The following HKDC1 variants were observed in gnomAD, a reference collection of about 807,000 sequenced individuals.
HKDC1 encodes the protein hexokinase domain containing 1, also known as hexokinase HKDC1.
In HKDC1, 66 loss-of-function variants were observed where a neutral mutation model predicts 96.6. The observed-to-expected ratio is 0.68, with a 90% CI of 0.56 to 0.84. The LOEUF (loss-of-function observed/expected upper bound fraction) is 0.84. HKDC1 is among the 40% of genes least tolerant of loss of function. HKDC1 has a pLI of 0.00. For missense variants in HKDC1, 1,211 were observed against 1,208.1 expected (o/e 1.00, Z -0.04); for synonymous variants, 466 against 473.1 (o/e 0.98, Z 0.20).
At position 69,250,475 on chromosome 10, in the gene HKDC1, C is replaced by T. The variant is rs1843623446; in HGVS notation, c.1716+40C>T. 4 of 1,611,668 alleles carry T rather than the reference C, an allele frequency of 2.5e-6. No individual in the cohort carries two copies. In the Admixed American group the frequency reaches 5.0e-5, roughly 20 times the overall value. ...AGGCCTTTGGGCTCCGAGGTGCCAG[C>T]CTGCCACCCTGCATCGATGTCCGCC... On this transcript the variant is annotated intron_variant, in intron 11 of 17. Coordinates refer to ENST00000354624, the MANE Select transcript of HKDC1 (RefSeq NM_025130.4).
At chr10:69,245,819 G>A (rs1180676078) in intron 7 of HKDC1, among the ~76,000 whole-genome samples, 2 of 152,110 alleles carry the variant, frequency 1.3e-5, no homozygotes, top group Admixed American at 6.5e-5. Flanking sequence ...TTGACTTGTC[G>A]CATCATGTTT....
chr10:69,266,725 A>T lies in HKDC1; in HGVS notation c.2722A>T (p.Lys908Ter). 1 of 1,613,922 alleles carries T rather than the reference A, an allele frequency of 6.2e-7. No individual in the cohort carries two copies. Among genetic ancestry groups the T allele is most frequent in the Non-Finnish European group, 8.5e-7 (1 of 1,179,930 alleles). ...GGCAGCACTGATCACTGCTGTGGCC[A>T]AGAGGTTACAGCAGGCACAGAAGGA... The part of the protein sequence containing the change: ...KGAALITAVA[K>*]RLQQAQKEN The change falls in exon 18 of 18, where the codon AAG becomes TAG. Residue 908 changes from lysine (K) to a stop codon, truncating the protein, a stop_gained. Coordinates refer to ENST00000354624, the MANE Select transcript of HKDC1 (RefSeq NM_025130.4). LOFTEE classifies it high-confidence loss of function.
intron 9 of HKDC1, 104 bp downstream of exon 9, chr10:69,247,697 C>G (rs567802392): frequency 1.2e-6 from 1 of 828,432 alleles, no homozygotes; most frequent in Admixed American, 2.4e-5. Flanking sequence ...GAACCAACAA[C>G]CCCTCTTGTT....
At chr10:69,232,345 C>T (rs1047154222) in intron 2 of HKDC1, 23 of 184,018 alleles carry the variant, frequency 1.2e-4, no homozygotes, top group Non-Finnish European at 2.4e-4. Context: ...TGCTCCTCGC[C>T]GCACATCCTG....
chr10:69,233,072 A>T lies in HKDC1; in HGVS notation c.434A>T (p.His145Leu). 3 of 1,614,206 alleles carry T rather than the reference A, an allele frequency of 1.9e-6. No homozygotes were observed. The highest frequency in any genetic ancestry group is 2.7e-5 in the African/African-American group (2 of 75,068). ...ADFMKTKDLKHKKLPLGLTFS... is the reference protein window; with the variant it reads ...ADFMKTKDLKLKKLPLGLTFS... ...TTCATGAAGACCAAAGATTTAAAGC[A>T]TAAGAAATTGCCCCTTGGCCTAACT... The change falls in exon 4 of 18, where the codon CAT becomes CTT. Residue 145 changes from histidine (H) to leucine (L), a missense_variant. Transcript: ENST00000354624.
At chr10:69,243,111 A>G in intron 6 of HKDC1, 71 bp from the exon 7 acceptor site, 1 of 1,458,068 alleles carries the variant, frequency 6.9e-7, no homozygotes, top group Non-Finnish European at 9.6e-7. Context: ...ACTCCCCAGC[A>G]GTCAAGAGTT....
intron 17 of HKDC1, 88 bp downstream of exon 17, chr10:69,265,906 T>C: frequency 1.1e-6 from 1 of 896,474 alleles, no homozygotes; most frequent in Non-Finnish European, 1.8e-6. Flanking sequence ...AACTGCGGCA[T>C]GGGAAGATGC....
intron 13 of HKDC1, 53 bp from the exon 14 acceptor site, chr10:69,257,274 A>C: frequency 6.5e-7 from 1 of 1,537,520 alleles, no homozygotes; most frequent in Non-Finnish European, 9.0e-7. Context: ...TTTGGCTTGC[A>C]CATTCAACTC....
intron 4 of HKDC1, among the ~76,000 whole-genome samples, chr10:69,234,356 C>A (rs558509332): frequency 6.6e-6 from 1 of 152,338 alleles, no homozygotes; most frequent in South Asian, 2.1e-4. Context: ...CAAATTGTGT[C>A]CCCTTGGACC....
At chr10:69,237,030 C>T (rs1843372786) in intron 4 of HKDC1, among the ~76,000 whole-genome samples, 1 of 151,940 alleles carries the variant, frequency 6.6e-6, no homozygotes, top group Non-Finnish European at 1.5e-5. Flanking sequence ...AATAAGGGCT[C>T]CTGGGGAAGA....
chr10:69,230,074 A>C (rs994102275), intron 2 of HKDC1, among the ~76,000 whole-genome samples: 3 of 152,196 alleles, frequency 2.0e-5, no homozygotes, highest in Admixed American at 2.0e-4. Flanking sequence ...GCCTACTCCC[A>C]TCAGGACCTA....
chr10:69,250,138 G>C, intron 10 of HKDC1, 152 bp from the exon 11 acceptor site: 1 of 768,564 alleles, frequency 1.3e-6, no homozygotes, highest in Non-Finnish European at 2.1e-6. Flanking sequence ...CCGGGGCCCG[G>C]GCACTGTGCA....
intron 4 of HKDC1, among the ~76,000 whole-genome samples, chr10:69,237,362 A>G (rs1203241543): frequency 6.6e-6 from 1 of 151,338 alleles, no homozygotes; most frequent in African/African-American, 2.4e-5. Flanking sequence ...TCAAGGTTTA[A>G]AAAAAGAGAG....
rs202118393 is a variant in HKDC1 at position 69,237,366 on chromosome 10, AAGAG to A, written c.496-1668_496-1665del. Among the ~76,000 whole-genome samples the A allele has an allele frequency of 1.1e-3, 161 of 151,776 alleles. 1 individual carries two copies. The East Asian group carries it at 0.023, about 22-fold the overall frequency. ...TAATACTTTTTTCAAGGTTTAAAAAAAGAGAGAGAGAAGGAATGGAAAAGTTTAA... is the reference window on the plus strand; with the variant it reads ...TAATACTTTTTTCAAGGTTTAAAAAAAGAGAGAAGGAATGGAAAAGTTTAA... On this transcript the variant is annotated intron_variant, in intron 4 of 17. Coordinates refer to ENST00000354624, the MANE Select transcript of HKDC1 (RefSeq NM_025130.4).
At chr10:69,257,611 A>G (rs116562454) in intron 14 of HKDC1, among the ~76,000 whole-genome samples, 185 bp downstream of exon 14, 307 of 152,284 alleles carry the variant, frequency 2.0e-3, no homozygotes, top group African/African-American at 6.7e-3. Context: ...AGCCAAGGTC[A>G]TCCTTTCTAT....
intron 12 of HKDC1, among the ~76,000 whole-genome samples, chr10:69,251,087 C>CTTTT (rs869084452): frequency 8.2e-4 from 76 of 92,664 alleles, no homozygotes; most frequent in East Asian, 1.6e-3. Context: ...AAATACATTT[C>CTTTT]TTTTTTTTTT....
At chr10:69,228,663 C>G (rs1292988066) in intron 2 of HKDC1, among the ~76,000 whole-genome samples, 1 of 152,018 alleles carries the variant, frequency 6.6e-6, no homozygotes, top group Non-Finnish European at 1.5e-5. Flanking sequence ...GTCAGATGCT[C>G]GAGACCAGCC....
At chr10:69,241,064 G>A (rs952937835) in intron 6 of HKDC1, among the ~76,000 whole-genome samples, 1 of 151,982 alleles carries the variant, frequency 6.6e-6, no homozygotes, top group Non-Finnish European at 1.5e-5. Context: ...TGGTTAGCGT[G>A]ATAAAAAAAC....
In HKDC1 at chr10:69,248,414, C is replaced by A; in HGVS notation, c.1266-10C>A. On this transcript the variant is annotated splice_polypyrimidine_tract_variant and intron_variant, in intron 9 of 17. Coordinates refer to ENST00000354624, the MANE Select transcript of HKDC1 (RefSeq NM_025130.4). ...GATTGCTAAATATTTTGCCATCACC[C>A]CTGCTTCAGGTACCCAAAACGCCTG... The A allele has an allele frequency of 6.5e-7, 1 of 1,541,538 alleles. No individual in the cohort carries two copies. The highest frequency in any genetic ancestry group is 8.8e-7 in the Non-Finnish European group (1 of 1,142,128).
Sources: gnomAD v4.1 joint callset for allele counts (sites outside exome capture counted in the v4.1 genomes callset) on GRCh38, gnomAD v4.1.1 for gene constraint, MANE v1.5 for transcripts, NCBI Gene and HGNC (gene_info 2026-07-23, HGNC 2026-07-21) for gene names.